Variants in EXOC1 observed in about 807,000 individuals in gnomAD.
The protein encoded by EXOC1 is exocyst complex component 1.
EXOC1 carries 67 observed loss-of-function variants against 107.7 expected under a neutral mutation model. The observed-to-expected ratio is 0.62, with a 90% CI of 0.51 to 0.76. The LOEUF is 0.76. Ranked by LOEUF, EXOC1 falls within the 30% of genes least tolerant of loss-of-function variation. The pLI is 0.00. For missense variants in EXOC1, 833 were observed against 1,055.7 expected (o/e 0.79, Z 2.92); for synonymous variants, 348 against 353.5 (o/e 0.98, Z 0.17).
intron 15 of EXOC1, among the ~76,000 whole-genome samples, chr4:55,894,662 G>T (rs1236634864): frequency 1.2e-5 from 1 of 86,618 alleles, no homozygotes; most frequent in Non-Finnish European, 2.1e-5. Flanking sequence ...CGTTCTTGTT[G>T]CCCAGGCTGG....
chr4:55,866,777 G>A (rs2110326978), intron 4 of EXOC1: 1 of 640,000 alleles, frequency 1.6e-6, no homozygotes, highest in East Asian at 1.4e-4. Context: ...TGAGATATGG[G>A]TAGTATTTTA....
Position 55,862,425 on chromosome 4 carries a change from C to T in EXOC1, c.256-1802C>T, listed in dbSNP as rs140342306. On this transcript the variant is annotated intron_variant, in intron 3 of 18. Coordinates refer to ENST00000381295, the MANE Select transcript of EXOC1 (RefSeq NM_001024924.2). Reference sequence around the variant, plus strand: ...TTAACATTAGCCATTTAGTATCACACATTGATTTGTGAGTGTTGCCACTGG... The same window carrying T: ...TTAACATTAGCCATTTAGTATCACATATTGATTTGTGAGTGTTGCCACTGG... 6.3e-3 allele frequency among the ~76,000 whole-genome samples: 964 copies of T among 151,932 alleles called. 8 individuals are homozygous for T. Among genetic ancestry groups the T allele is most frequent in the Non-Finnish European group, 7.5e-3 (511 of 67,976 alleles).
At chr4:55,854,218 T>C (rs1403833144) in intron 1 of EXOC1, among the ~76,000 whole-genome samples, 2 of 119,400 alleles carry the variant, frequency 1.7e-5, no homozygotes, top group Non-Finnish European at 3.2e-5. Flanking sequence ...CTCTTAAGTG[T>C]ATTTCTCTAT....
chr4:55,871,170 A>G lies in EXOC1; in HGVS notation c.901A>G (p.Ile301Val). The change falls in exon 7 of 19, where the codon ATT (isoleucine) becomes GTT (valine). Residue 301 changes from isoleucine (I) to valine (V), a missense_variant. By Grantham distance (29) the Ile-to-Val change is conservative. Coordinates refer to ENST00000381295, the MANE Select transcript of EXOC1 (RefSeq NM_001024924.2). Reference protein sequence around the residue: ...QEGDLASSRGIEACTNAADAL... With the variant: ...QEGDLASSRGVEACTNAADAL... ...AGGAGATCTTGCTTCTTCCAGAGGCATTGAGGCCTGCACCAATGCTGCTGA... is the reference window on the plus strand; with the variant it reads ...AGGAGATCTTGCTTCTTCCAGAGGCGTTGAGGCCTGCACCAATGCTGCTGA... 2.5e-6 allele frequency: 4 copies of G among 1,613,952 alleles called. No homozygotes were observed. The highest frequency in any genetic ancestry group is 1.3e-5 in the African/African-American group (1 of 75,044).
intron 5 of EXOC1, among the ~76,000 whole-genome samples, chr4:55,869,169 G>A (rs947849851): frequency 6.6e-5 from 10 of 151,804 alleles, no homozygotes; most frequent in Middle Eastern, 3.2e-3. Context: ...AATTCGAGAC[G>A]AGCCTGGCCA....
intron 18 of EXOC1, 106 bp from the exon 19 acceptor site, chr4:55,904,237 C>T: frequency 8.9e-7 from 1 of 1,129,086 alleles, no homozygotes; most frequent in Non-Finnish European, 1.2e-6. Context: ...ATGTTCCTAG[C>T]TACTATACTA....
In EXOC1 at chr4:55,858,309, T is replaced by G; in HGVS notation, c.-10-5T>G. The stretch of plus-strand genomic sequence containing the variant: ...AGCTTAATATCTATACTCCACATTT[T>G]TCAGCTGAGAAAAGATGACAGCAAT... On this transcript the variant is annotated splice_polypyrimidine_tract_variant and splice_region_variant and intron_variant, in intron 1 of 18. Coordinates refer to ENST00000381295, the MANE Select transcript of EXOC1 (RefSeq NM_001024924.2). The G allele has an allele frequency of 6.2e-7, 1 of 1,600,048 alleles. No homozygotes were observed. The highest frequency in any genetic ancestry group is 8.5e-7 in the Non-Finnish European group (1 of 1,174,414).
rs768056593 is a variant in EXOC1 at position 55,904,489 on chromosome 4, C to G, written c.2679C>G (p.Ser893=). 1 of 1,604,680 alleles carries G rather than the reference C, an allele frequency of 6.2e-7. No individual in the cohort carries two copies. Among genetic ancestry groups the G allele is most frequent in the African/African-American group, 1.3e-5 (1 of 74,218 alleles). ...ATTATTGTTCCAGCATTGCACAGTC[C>G]CACTAAACCTTGTGAAAGAAGAAAA... ...ILDYCSSIAQ[S]H Residue 893 remains serine, a synonymous_variant, in exon 19 of 19, where the codon TCC becomes TCG. Coordinates refer to ENST00000381295, the MANE Select transcript of EXOC1 (RefSeq NM_001024924.2).
chr4:55,887,573 G>A (rs1436538936), intron 10 of EXOC1, among the ~76,000 whole-genome samples: 1 of 151,972 alleles, frequency 6.6e-6, no homozygotes, highest in Non-Finnish European at 1.5e-5. Context: ...CTACTACTAA[G>A]TCTGTATTCC....
chr4:55,876,034 G>A, intron 8 of EXOC1: 10 of 983,556 alleles, frequency 1.0e-5, no homozygotes, highest in Non-Finnish European at 1.2e-5. Flanking sequence ...CTGGCATCTT[G>A]GTTAGAAAAC....
At chr4:55,893,885 GTTGT>G in intron 15 of EXOC1, 105 bp downstream of exon 15, 3 of 905,360 alleles carry the variant, frequency 3.3e-6, no homozygotes, top group Non-Finnish European at 5.0e-6. Flanking sequence ...TGGGGAATCT[GTTGT>G]TTATGTCCCT....
At chr4:55,854,877 CTTCT>C (rs199840267) in intron 1 of EXOC1, among the ~76,000 whole-genome samples, 2,042 of 152,296 alleles carry the variant, frequency 0.013, 23 homozygotes, top group South Asian at 0.037. Flanking sequence ...ACATCCCTCC[CTTCT>C]TTAAGAGAAT....
chr4:55,854,574 A>G (rs950242546), intron 1 of EXOC1, among the ~76,000 whole-genome samples: 7 of 152,202 alleles, frequency 4.6e-5, no homozygotes, highest in Admixed American at 3.9e-4. Flanking sequence ...CTTCATAAAC[A>G]TATCTGTCAT....
At chr4:55,871,414 G>C (rs1430557759) in intron 7 of EXOC1, among the ~76,000 whole-genome samples, 181 bp downstream of exon 7, 1 of 152,134 alleles carries the variant, frequency 6.6e-6, no homozygotes, top group African/African-American at 2.4e-5. Flanking sequence ...TTTTACTTCA[G>C]TTCCTCCTTC....
chr4:55,882,476 G>T (rs1708769598), intron 9 of EXOC1, among the ~76,000 whole-genome samples: 1 of 152,138 alleles, frequency 6.6e-6, no homozygotes, highest in Admixed American at 6.6e-5. Context: ...CACTGAAAAA[G>T]TAATACATCC....
At chr4:55,903,179 AAAAG>A (rs144173036) in intron 18 of EXOC1, among the ~76,000 whole-genome samples, 8,151 of 150,772 alleles carry the variant, frequency 0.054, 311 homozygotes, top group Non-Finnish European at 0.08. Flanking sequence ...GAAAGAAAGA[AAAAG>A]AAAGAAAGAG....
Position 55,896,629 on chromosome 4 carries a change from A to G in EXOC1, c.1954-88A>G, listed in dbSNP as rs536902706. 1.1e-5 allele frequency: 12 copies of G among 1,059,994 alleles called. No homozygotes were observed. In the African/African-American group the frequency reaches 1.8e-4, roughly 16 times the overall value. 65.7% of individuals were successfully genotyped at this position (1,059,994 alleles called of 1,614,324 possible). On this transcript the variant is annotated intron_variant, in intron 15 of 18. Coordinates refer to ENST00000381295, the MANE Select transcript of EXOC1 (RefSeq NM_001024924.2). ...CTCTATGATATCTATGTATATATCT[A>G]TATCTCCATCTATATATTTTGTTAT...
chr4:55,875,445 C>A, intron 8 of EXOC1: 1 of 982,162 alleles, frequency 1.0e-6, no homozygotes, highest in Non-Finnish European at 1.2e-6. Context: ...AAATTTTGAC[C>A]CCAATGTATC....
chr4:55,902,231 TTCAC>T (rs1389793504), intron 17 of EXOC1, 109 bp from the exon 18 acceptor site: 2 of 730,598 alleles, frequency 2.7e-6, no homozygotes, highest in Admixed American at 4.3e-5. Flanking sequence ...TGTTTATACT[TTCAC>T]ACACTGATTT....
Sources: gnomAD v4.1 joint callset for allele counts (sites outside exome capture counted in the v4.1 genomes callset) on GRCh38, gnomAD v4.1.1 for gene constraint, MANE v1.5 for transcripts, NCBI Gene and HGNC (gene_info 2026-07-23, HGNC 2026-07-21) for gene names.